PTPRD: variants seen among roughly 807,000 people sequenced by gnomAD.
The protein encoded by PTPRD is receptor-type tyrosine-protein phosphatase delta.
PTPRD carries 34 observed loss-of-function variants against 214.5 expected under a neutral mutation model. The observed-to-expected ratio is 0.16, with a 90% CI of 0.12 to 0.21. The LOEUF (loss-of-function observed/expected upper bound fraction) is 0.21, where lower values mean the gene tolerates loss of function less well. Ranked by LOEUF, PTPRD falls within the 10% of genes least tolerant of loss-of-function variation. The pLI is 1.00. For missense variants in PTPRD, 2,545 were observed against 2,398.7 expected, an observed-to-expected ratio of 1.06 and a Z score of -1.27; for synonymous variants, 1,128 against 845.7, an observed-to-expected ratio of 1.33 and a Z score of -5.79.
intron 3 of PTPRD, among the ~76,000 whole-genome samples, chr9:10,198,823 C>T (rs1027470020): frequency 2.0e-5 from 3 of 151,918 alleles, no homozygotes; most frequent in South Asian, 2.1e-4. Context: ...TTAAATATTA[C>T]CGTTGTAAAT....
chr9:9,813,588 T>C (rs1281625099), intron 5 of PTPRD, among the ~76,000 whole-genome samples: 2 of 151,970 alleles, frequency 1.3e-5, no homozygotes, highest in Non-Finnish European at 2.9e-5. Flanking sequence ...AAAATATAAA[T>C]AGACTAATAA....
At chr9:8,513,326 T>G (rs966290891) in intron 21 of PTPRD, among the ~76,000 whole-genome samples, 3 of 151,978 alleles carry the variant, frequency 2.0e-5, no homozygotes, top group Admixed American at 6.6e-5. Context: ...ATACACAAAT[T>G]TACATCAATC....
In PTPRD at chr9:9,087,530, T is replaced by C. The variant is rs143474182; in HGVS notation, c.-142-68795A>G. ...GAGGAAAAAGAACTAAGAACCAGGA[T>C]TGAAATATGAGAAACATACAGAGAA... is the stretch of plus-strand genomic sequence containing the variant. On this transcript the variant is annotated intron_variant, in intron 10 of 45. Coordinates refer to ENST00000381196, the MANE Select transcript of PTPRD (RefSeq NM_002839.4). 2.4e-3 allele frequency among the ~76,000 whole-genome samples: 366 copies of C among 152,158 alleles called. 1 individual carries two copies. The highest frequency in any genetic ancestry group is 8.2e-3 in the African/African-American group (340 of 41,498).
intron 11 of PTPRD, among the ~76,000 whole-genome samples, chr9:8,815,378 G>T (rs1373047737): frequency 6.6e-6 from 1 of 152,122 alleles, no homozygotes; most frequent in Non-Finnish European, 1.5e-5. Context: ...ATATTGAGAT[G>T]AGTTAGGCTC....
intron 3 of PTPRD, among the ~76,000 whole-genome samples, chr9:10,140,984 A>G (rs940282626): frequency 1.1e-4 from 16 of 152,000 alleles, no homozygotes; most frequent in African/African-American, 3.6e-4. Context: ...TATAAACAGA[A>G]CCAAAGACAA....
At chr9:9,073,076 G>C (rs534731349) in intron 10 of PTPRD, among the ~76,000 whole-genome samples, 35 of 152,204 alleles carry the variant, frequency 2.3e-4, no homozygotes, top group African/African-American at 8.4e-4. Context: ...AGAAATCAGT[G>C]GAGAAATAAA....
intron 10 of PTPRD, among the ~76,000 whole-genome samples, chr9:9,040,723 A>G (rs2099637090): frequency 2.0e-5 from 3 of 152,192 alleles, no homozygotes. Context: ...CACAGTCATA[A>G]TATCTGTTTA....
chr9:10,460,419 C>A (rs1393347457), intron 2 of PTPRD, among the ~76,000 whole-genome samples: 1 of 147,742 alleles, frequency 6.8e-6, no homozygotes, highest in African/African-American at 2.5e-5. Context: ...CTTGAATAGC[C>A]AAAACAATTC....
chr9:9,309,517 G>A (rs545048708), intron 9 of PTPRD, among the ~76,000 whole-genome samples: 268 of 152,152 alleles, frequency 1.8e-3, no homozygotes, highest in Non-Finnish European at 3.1e-3. Context: ...TGTCCTCAGC[G>A]CAAATATTTC....
At chr9:9,582,946 A>G (rs1303532459) in intron 7 of PTPRD, among the ~76,000 whole-genome samples, 1 of 152,226 alleles carries the variant, frequency 6.6e-6, no homozygotes, top group East Asian at 1.9e-4. Context: ...TTGGAATTTC[A>G]TTATACAATT....
chr9:9,238,734 A>G (rs1289288720), intron 9 of PTPRD, among the ~76,000 whole-genome samples: 1 of 152,162 alleles, frequency 6.6e-6, no homozygotes, highest in African/African-American at 2.4e-5. Flanking sequence ...AAACAATTAC[A>G]CAACCTAAGC....
At chr9:9,530,311 C>G (rs182228863) in intron 8 of PTPRD, among the ~76,000 whole-genome samples, 1 of 152,064 alleles carries the variant, frequency 6.6e-6, no homozygotes, top group African/African-American at 2.4e-5. Context: ...GGAGACATTA[C>G]AATGATATTG....
At chr9:9,023,976 A>T (rs2099578334) in intron 10 of PTPRD, among the ~76,000 whole-genome samples, 1 of 151,732 alleles carries the variant, frequency 6.6e-6, no homozygotes, top group East Asian at 1.9e-4. Context: ...CCTTTTTCTA[A>T]AAATAATACA....
intron 4 of PTPRD, among the ~76,000 whole-genome samples, chr9:10,006,372 C>T (rs1387194585): frequency 6.6e-6 from 1 of 151,862 alleles, no homozygotes; most frequent in African/African-American, 2.4e-5. Flanking sequence ...GAAAATTATG[C>T]TATATGCTGA....
chr9:10,393,774 T>G (rs2098117510), intron 2 of PTPRD, among the ~76,000 whole-genome samples: 1 of 148,112 alleles, frequency 6.8e-6, no homozygotes, highest in Non-Finnish European at 1.5e-5. Flanking sequence ...TCTAATCAAG[T>G]GATCCCAAAT....
intron 2 of PTPRD, among the ~76,000 whole-genome samples, chr9:10,482,099 C>T (rs534201420): frequency 9.3e-4 from 141 of 152,122 alleles, no homozygotes; most frequent in South Asian, 2.5e-3. Context: ...TGGCCGGGCG[C>T]GGTGGCTCAC....
intron 3 of PTPRD, among the ~76,000 whole-genome samples, chr9:10,039,972 C>T (rs987551092): frequency 1.3e-5 from 2 of 151,962 alleles, no homozygotes; most frequent in African/African-American, 4.8e-5. Flanking sequence ...TGCCATTCTC[C>T]TAAATTGCCT....
intron 9 of PTPRD, among the ~76,000 whole-genome samples, chr9:9,343,865 G>C (rs963116743): frequency 9.9e-5 from 15 of 151,848 alleles, no homozygotes; most frequent in Non-Finnish European, 2.1e-4. Flanking sequence ...TTATATCCTG[G>C]GTGAAATTCT....
In PTPRD at chr9:8,338,940, G is replaced by C. The variant is rs1335864090; in HGVS notation, c.5361C>G (p.Phe1787Leu). ...AACTTACCCTGGCATCTGTGACCTT[G>C]AATTCCCTTAGGATATACTGTGGCA... ...YNMPQYILRE[F>L]KVTDARDGQS... The change falls in exon 43 of 46, where the codon TTC becomes TTG. Residue 1787 changes from phenylalanine to leucine, a missense_variant. Coordinates refer to ENST00000381196, the MANE Select transcript of PTPRD (RefSeq NM_002839.4). 6.2e-7 allele frequency: 1 copy of C among 1,610,160 alleles called. No individual in the cohort carries two copies. The highest frequency in any genetic ancestry group is 1.7e-5 in the Admixed American group (1 of 59,838).
Sources: gnomAD v4.1 joint callset for allele counts (sites outside exome capture counted in the v4.1 genomes callset) on GRCh38, gnomAD v4.1.1 for gene constraint, MANE v1.5 for transcripts, NCBI Gene and HGNC (gene_info 2026-07-23, HGNC 2026-07-21) for gene names.